LYPLAL1: variants seen among roughly 807,000 people sequenced by gnomAD.
LYPLAL1 encodes lysophospholipase like 1, also known as lysophospholipase-like protein 1.
A neutral mutation model predicts 19.7 loss-of-function variants in LYPLAL1; 23 were observed. The ratio of observed to expected loss-of-function variants is 1.17; its 90% CI spans 0.84 to 1.65. The LOEUF (loss-of-function observed/expected upper bound fraction) is 1.65. Among genes scored for constraint, LYPLAL1 ranks in the 40% most tolerant of loss-of-function variants. The pLI is 0.00. For missense variants in LYPLAL1, 355 were observed against 279.4 expected (o/e 1.27, Z -1.93); for synonymous variants, 119 against 96.3 (o/e 1.24, Z -1.38).
At chr1:219,241,120 C>A in the LYPLAL1 span, among the ~76,000 whole-genome samples, 6 of 94,926 alleles carry the variant, frequency 6.3e-5, no homozygotes, top group Non-Finnish European at 1.3e-4. Flanking sequence ...CTCTCTCTCT[C>A]TCTCTCTCTC....
the LYPLAL1 span, among the ~76,000 whole-genome samples, chr1:219,414,481 C>T: frequency 2.0e-5 from 3 of 152,174 alleles, no homozygotes; most frequent in African/African-American, 7.2e-5. Context: ...TTTGAACATT[C>T]TGAGCCTTAG....
chr1:219,356,432 G>T, the LYPLAL1 span, among the ~76,000 whole-genome samples: 1 of 152,144 alleles, frequency 6.6e-6, no homozygotes, highest in African/African-American at 2.4e-5. Context: ...CCCGGGAGGC[G>T]GAGGTCGCAG....
the LYPLAL1 span, among the ~76,000 whole-genome samples, chr1:219,421,498 A>C: frequency 6.6e-6 from 1 of 152,324 alleles, no homozygotes; most frequent in African/African-American, 2.4e-5. Flanking sequence ...AAGGTTGTTG[A>C]GTTTAAGATA....
chr1:219,441,575 A>G, the LYPLAL1 span, among the ~76,000 whole-genome samples: 4 of 152,228 alleles, frequency 2.6e-5, no homozygotes, highest in Non-Finnish European at 5.9e-5. Context: ...GATATTGAAT[A>G]GCTAATAGAG....
chr1:219,175,697 TC>T (rs1327158488), intron 1 of LYPLAL1, among the ~76,000 whole-genome samples: 3 of 152,206 alleles, frequency 2.0e-5, no homozygotes, highest in Non-Finnish European at 4.4e-5. Context: ...TATATTTAAA[TC>T]TCCACTGAAG....
the LYPLAL1 span, among the ~76,000 whole-genome samples, chr1:219,375,726 A>G: frequency 6.7e-6 from 1 of 149,592 alleles, no homozygotes; most frequent in Non-Finnish European, 1.5e-5. Flanking sequence ...TGGAGTTTTT[A>G]TGCTTCCTGA....
At chr1:219,300,575 C>T in the LYPLAL1 span, among the ~76,000 whole-genome samples, 1 of 144,114 alleles carries the variant, frequency 6.9e-6, no homozygotes. Flanking sequence ...CGCTCTGTCG[C>T]CCAGGCTGGA....
chr1:219,418,165 A>G, the LYPLAL1 span, among the ~76,000 whole-genome samples: 4 of 152,234 alleles, frequency 2.6e-5, no homozygotes, highest in South Asian at 6.2e-4. Flanking sequence ...ACCACAAGTT[A>G]AAACCTCGAA....
chr1:219,291,420 T>A, the LYPLAL1 span, among the ~76,000 whole-genome samples: 1 of 152,214 alleles, frequency 6.6e-6, no homozygotes, highest in Non-Finnish European at 1.5e-5. Context: ...TTGAAATAAG[T>A]GCCAGCTTTG....
chr1:219,429,703 T>C, the LYPLAL1 span, among the ~76,000 whole-genome samples: 1 of 152,080 alleles, frequency 6.6e-6, no homozygotes, highest in Non-Finnish European at 1.5e-5. Context: ...CCCAGGCCTA[T>C]TTTCCCATTG....
At chr1:219,192,894 G>T (rs1165521962) in intron 2 of LYPLAL1, among the ~76,000 whole-genome samples, 188 bp from the exon 3 acceptor site, 1 of 151,588 alleles carries the variant, frequency 6.6e-6, no homozygotes, top group Non-Finnish European at 1.5e-5. Flanking sequence ...GATTTTAATG[G>T]ATTAGATACA....
chr1:219,310,170 C>T, the LYPLAL1 span, among the ~76,000 whole-genome samples: 1 of 152,176 alleles, frequency 6.6e-6, no homozygotes, highest in Non-Finnish European at 1.5e-5. Context: ...TTATAACACT[C>T]CTCCCTGTGT....
chr1:219,201,590 C>T (rs1231422730), intron 3 of LYPLAL1, among the ~76,000 whole-genome samples: 1 of 151,486 alleles, frequency 6.6e-6, no homozygotes, highest in African/African-American at 2.4e-5. Context: ...ATATAATATA[C>T]CAAATTAAAG....
chr1:219,390,158 A>G, the LYPLAL1 span, among the ~76,000 whole-genome samples: 1 of 152,142 alleles, frequency 6.6e-6, no homozygotes, highest in Non-Finnish European at 1.5e-5. Context: ...CACTGTGTAA[A>G]TGACAGAAGT....
chr1:219,432,609 A>T, the LYPLAL1 span, among the ~76,000 whole-genome samples: 1 of 152,180 alleles, frequency 6.6e-6, no homozygotes, highest in African/African-American at 2.4e-5. Context: ...ACACGATGGC[A>T]TTCAGCCTCC....
At chr1:219,429,872 G>T in the LYPLAL1 span, among the ~76,000 whole-genome samples, 1 of 152,078 alleles carries the variant, frequency 6.6e-6, no homozygotes, top group East Asian at 1.9e-4. Context: ...CCCTCAAGAA[G>T]CTTACAGTTA....
the LYPLAL1 span, among the ~76,000 whole-genome samples, chr1:219,439,978 T>A: frequency 1.5e-5 from 1 of 66,064 alleles, no homozygotes; most frequent in Non-Finnish European, 3.4e-5. Context: ...TATATACATA[T>A]ATATATATAT....
the LYPLAL1 span, among the ~76,000 whole-genome samples, chr1:219,337,963 A>G: frequency 3.9e-5 from 6 of 152,148 alleles, no homozygotes; most frequent in African/African-American, 7.2e-5. Flanking sequence ...CATCTTGGGC[A>G]TGTTACTTGC....
At chr1:219,281,469 C>G in the LYPLAL1 span, among the ~76,000 whole-genome samples, 1 of 151,986 alleles carries the variant, frequency 6.6e-6, no homozygotes, top group Admixed American at 6.6e-5. Flanking sequence ...GTTAATTCAC[C>G]CTGTAAAACC....
Sources: gnomAD v4.1 joint callset for allele counts (sites outside exome capture counted in the v4.1 genomes callset) on GRCh38, gnomAD v4.1.1 for gene constraint, MANE v1.5 for transcripts, NCBI Gene and HGNC (gene_info 2026-07-23, HGNC 2026-07-21) for gene names.